The following PARD3 variants were observed in gnomAD, a reference collection of about 807,000 sequenced individuals.
The protein encoded by PARD3 is par-3 family cell polarity regulator.
A neutral mutation model predicts 155.4 loss-of-function variants in PARD3; 75 were observed. The ratio of observed to expected loss-of-function variants is 0.48; its 90% CI spans 0.40 to 0.58. The LOEUF (loss-of-function observed/expected upper bound fraction) is 0.58, where lower values mean the gene tolerates loss of function less well. Ranked by LOEUF, PARD3 falls within the 20% of genes least tolerant of loss-of-function variation. PARD3 has a pLI of 0.00. For synonymous variants in PARD3, 576 were observed against 610.5 expected (o/e 0.94, Z 0.83); for missense variants, 1,642 against 1,721.7 (o/e 0.95, Z 0.82).
chr10:34,351,508 A>C (rs1472806452), intron 14 of PARD3, among the ~76,000 whole-genome samples: 2 of 152,380 alleles, frequency 1.3e-5, no homozygotes, highest in Non-Finnish European at 2.9e-5. Flanking sequence ...AAAGCAACTA[A>C]TGAAAACACA....
At chr10:34,489,351 G>A (rs752927362) in intron 3 of PARD3, among the ~76,000 whole-genome samples, 2 of 152,282 alleles carry the variant, frequency 1.3e-5, no homozygotes, top group South Asian at 2.1e-4. Context: ...ACTACGCCAC[G>A]AAGAGATCAG....
chr10:34,460,573 C>T (rs964091842), intron 4 of PARD3, among the ~76,000 whole-genome samples: 8 of 152,154 alleles, frequency 5.3e-5, no homozygotes, highest in Non-Finnish European at 1.0e-4. Flanking sequence ...GGGGCTCACA[C>T]CTGTAATCCC....
intron 2 of PARD3, among the ~76,000 whole-genome samples, chr10:34,538,548 G>A (rs1302715659): frequency 1.3e-5 from 2 of 152,210 alleles, no homozygotes; most frequent in African/African-American, 4.8e-5. Context: ...TTCCACTGCT[G>A]GGATGTTTAT....
intron 19 of PARD3, among the ~76,000 whole-genome samples, chr10:34,321,618 G>A (rs1958384185): frequency 6.6e-6 from 1 of 152,124 alleles, no homozygotes. Flanking sequence ...GGTGTAGCAT[G>A]AAGCTGCTTA....
At chr10:34,603,881 C>T (rs1265373277) in intron 2 of PARD3, among the ~76,000 whole-genome samples, 8 of 152,188 alleles carry the variant, frequency 5.3e-5, no homozygotes, top group Admixed American at 5.2e-4. Flanking sequence ...GCACAGTACA[C>T]AGAGAAAACT....
chr10:34,433,241 A>G (rs1412414619), intron 5 of PARD3, among the ~76,000 whole-genome samples: 2 of 152,206 alleles, frequency 1.3e-5, no homozygotes, highest in African/African-American at 4.8e-5. Flanking sequence ...AGTCAAAAGC[A>G]AAAACTTAAA....
At chr10:34,578,029 G>GT (rs1375074660) in intron 2 of PARD3, among the ~76,000 whole-genome samples, 1 of 147,288 alleles carries the variant, frequency 6.8e-6, no homozygotes, top group Admixed American at 6.9e-5. Context: ...ATGCGGCTAT[G>GT]TTTTTTTGTT....
intron 2 of PARD3, among the ~76,000 whole-genome samples, chr10:34,679,924 A>C (rs1298522855): frequency 2.0e-5 from 3 of 152,070 alleles, no homozygotes; most frequent in African/African-American, 7.2e-5. Flanking sequence ...CAGACACTGG[A>C]GACTCCAAGA....
intron 19 of PARD3, among the ~76,000 whole-genome samples, chr10:34,329,977 C>T (rs958308777): frequency 3.9e-5 from 6 of 152,120 alleles, no homozygotes; most frequent in Non-Finnish European, 8.8e-5. Flanking sequence ...TAAAACTCTT[C>T]TTCCCACGAA....
At position 34,378,246 on chromosome 10, in the gene PARD3, T is replaced by G. The variant is rs1841455240; in HGVS notation, c.1400-140A>C. The G allele has an allele frequency of 1.6e-5, 10 of 614,620 alleles. No homozygotes were observed. The South Asian group carries it at 2.3e-4, about 14-fold the overall frequency. The allele number at this position is 614,620 out of a possible 1,614,324, so 38.1% of individuals were successfully genotyped here. A position where few individuals can be genotyped will look rare whatever the true frequency, so the allele number is the denominator to read the frequency against. On this transcript the variant is annotated intron_variant, in intron 9 of 24. Transcript: ENST00000374788. ...CACATTTCTTCTACTACTTTAAAAG[T>G]TGTAATAAATTTTTCAAAATAGACT...
Position 34,627,961 on chromosome 10 carries a change from T to C in PARD3, c.222+68357A>G, listed in dbSNP as rs578019973. 1.8e-4 allele frequency among the ~76,000 whole-genome samples: 27 copies of C among 152,224 alleles called. 1 individual carries two copies. The highest frequency in any genetic ancestry group is 6.0e-4 in the African/African-American group (25 of 41,534). ...AGTCCAAAGTTGCTGCAAGCCCTCT[T>C]GGTGGACAGAGTCTGCTTTCTGCTC... On this transcript the variant is annotated intron_variant, in intron 2 of 24. Transcript: ENST00000374788.
intron 1 of PARD3, among the ~76,000 whole-genome samples, chr10:34,752,173 G>A (rs1227028645): frequency 6.6e-6 from 1 of 151,816 alleles, no homozygotes; most frequent in Non-Finnish European, 1.5e-5. Context: ...AGCTTCTAAG[G>A]TTGCTGCAAA....
At chr10:34,718,249 A>G (rs1349889124) in intron 1 of PARD3, among the ~76,000 whole-genome samples, 1 of 152,202 alleles carries the variant, frequency 6.6e-6, no homozygotes, top group East Asian at 1.9e-4. Context: ...CTGCCAACCA[A>G]GCAGTACATG....
At chr10:34,141,506 T>C (rs1300206085) in intron 22 of PARD3, among the ~76,000 whole-genome samples, 1 of 152,180 alleles carries the variant, frequency 6.6e-6, no homozygotes, top group Non-Finnish European at 1.5e-5. Context: ...ATAGCTCCAG[T>C]TCTCCAGATG....
intron 2 of PARD3, among the ~76,000 whole-genome samples, chr10:34,519,872 T>TAACATAA (rs2082030118): frequency 1.4e-5 from 2 of 146,332 alleles, no homozygotes; most frequent in African/African-American, 2.5e-5. Flanking sequence ...TAACATAACA[T>TAACATAA]AACATAACAT....
intron 5 of PARD3, among the ~76,000 whole-genome samples, chr10:34,444,120 T>C (rs2076614215): frequency 6.6e-6 from 1 of 152,208 alleles, no homozygotes; most frequent in African/African-American, 2.4e-5. Context: ...AGGGCAGTCA[T>C]TCCCCTATAA....
At chr10:34,274,098 T>C (rs554745860) in intron 21 of PARD3, among the ~76,000 whole-genome samples, 1 of 152,294 alleles carries the variant, frequency 6.6e-6, no homozygotes, top group East Asian at 1.9e-4. Context: ...TGACAACCAA[T>C]GACTTTCTTA....
intron 2 of PARD3, among the ~76,000 whole-genome samples, chr10:34,666,796 AATAT>A (rs1204976062): frequency 6.0e-5 from 4 of 66,962 alleles, no homozygotes; most frequent in Admixed American, 1.8e-4. Context: ...AAAAAAAAAA[AATAT>A]ATATATATAT....
At chr10:34,493,576 A>C (rs2080061240) in intron 3 of PARD3, among the ~76,000 whole-genome samples, 1 of 152,196 alleles carries the variant, frequency 6.6e-6, no homozygotes, top group Admixed American at 6.5e-5. Context: ...TATTAAAAAT[A>C]CAAAAATTAG....
Sources: gnomAD v4.1 joint callset for allele counts (sites outside exome capture counted in the v4.1 genomes callset) on GRCh38, gnomAD v4.1.1 for gene constraint, MANE v1.5 for transcripts, NCBI Gene and HGNC (gene_info 2026-07-23, HGNC 2026-07-21) for gene names.